Variants in IL10RB observed in about 807,000 individuals in gnomAD.
IL10RB encodes interleukin 10 receptor subunit beta.
In IL10RB, 30 loss-of-function variants were observed where a neutral mutation model predicts 38.7. The ratio of observed to expected loss-of-function variants is 0.78; its 90% CI spans 0.58 to 1.05. The LOEUF (loss-of-function observed/expected upper bound fraction) is 1.05. Ranked by LOEUF, IL10RB falls within the 50% of genes least tolerant of loss-of-function variation. IL10RB has a pLI of 0.00. For missense variants in IL10RB, 328 were observed against 397.1 expected (o/e 0.83, Z 1.48); for synonymous variants, 142 against 145.9 (o/e 0.97, Z 0.19).
chr21:33,269,473 C>G (rs958963395), intron 2 of IL10RB, among the ~76,000 whole-genome samples: 5 of 152,218 alleles, frequency 3.3e-5, no homozygotes, highest in African/African-American at 1.2e-4. Context: ...TCACAAAAAT[C>G]CCCAAGGCCT....
At chr21:33,289,911 G>A (rs1989450404) in intron 6 of IL10RB, among the ~76,000 whole-genome samples, 1 of 152,138 alleles carries the variant, frequency 6.6e-6, no homozygotes, top group Non-Finnish European at 1.5e-5. Flanking sequence ...TCAGGAGATC[G>A]AGACCATCCT....
At chr21:33,304,019 C>T (rs2082992446) in intron 1 of IL10RB, among the ~76,000 whole-genome samples, 1 of 152,156 alleles carries the variant, frequency 6.6e-6, no homozygotes, top group African/African-American at 2.4e-5. Flanking sequence ...GCCCACCTGA[C>T]CAGGCAGAGG....
At position 33,294,219 on chromosome 21, in the gene IL10RB, T is replaced by C. The variant is rs75091856; in HGVS notation, c.805-1965T>C. ...GTTCGAGGTCCTCACATCACGACTT[T>C]CTCCAGCTTGACTCATAATGATAGA... On this transcript the variant is annotated intron_variant, in intron 6 of 6. Transcript: ENST00000290200. 278 of 333,528 alleles carry C rather than the reference T, an allele frequency of 8.3e-4. 1 individual carries two copies. Among genetic ancestry groups the C allele is most frequent in the African/African-American group, 5.4e-3 (250 of 46,020 alleles). The allele number at this position is 333,528 out of a possible 1,614,324, so 20.7% of individuals were successfully genotyped here.
intron 3 of IL10RB, 38 bp downstream of exon 3, chr21:33,276,791 C>G: frequency 6.3e-7 from 1 of 1,581,684 alleles, no homozygotes; most frequent in Non-Finnish European, 8.7e-7. Flanking sequence ...GTAATGTCAT[C>G]ATCTTGCCTT....
rs750248101 is a variant in IL10RB at position 33,296,893 on chromosome 21, G to T, written c.*536G>T. 19 of 210,676 alleles carry T rather than the reference G, an allele frequency of 9.0e-5. No homozygotes were observed. Among genetic ancestry groups the T allele is most frequent in the Non-Finnish European group, 1.5e-4 (16 of 104,688 alleles). The allele number at this position is 210,676 out of a possible 1,614,324, so 13.1% of individuals were successfully genotyped here. A position where few individuals can be genotyped will look rare whatever the true frequency, so the allele number is the denominator to read the frequency against. On this transcript the variant is annotated 3_prime_UTR_variant, in exon 7 of 7. Transcript: ENST00000290200. Reference sequence around the variant, plus strand: ...AACCCGGGAGGAGGAGGAGGAGGTTGCAGTGAGCCGAGATAGCGGCACTGC... The same window carrying T: ...AACCCGGGAGGAGGAGGAGGAGGTTTCAGTGAGCCGAGATAGCGGCACTGC...
chr21:33,296,213 T>A lies in IL10RB; in HGVS notation c.834T>A (p.Leu278=), dbSNP rs778285637. The change falls in exon 7 of 7, where the codon CTT becomes CTA. Residue 278 remains leucine, a synonymous_variant. Coordinates refer to ENST00000290200, the MANE Select transcript of IL10RB (RefSeq NM_000628.5). ...TGGGCCATCCTCATCATAACACACT[T>A]CTGTTTTTCTCCTTTCCATTGTCGG... ...EFLGHPHHNT[L]LFFSFPLSDE... is the part of the protein sequence containing the mutation. The A allele has an allele frequency of 6.2e-7, 1 of 1,614,074 alleles. No individual in the cohort carries two copies.
chr21:33,292,370 A>G (rs1032669371), intron 6 of IL10RB, among the ~76,000 whole-genome samples: 7 of 152,298 alleles, frequency 4.6e-5, no homozygotes, highest in Admixed American at 3.9e-4. Context: ...TAACCTTGCC[A>G]TGAAACCAGG....
chr21:33,296,073 TAAATA>T (rs2082964583), intron 6 of IL10RB, 106 bp from the exon 7 acceptor site: 3 of 730,172 alleles, frequency 4.1e-6, no homozygotes, highest in East Asian at 3.0e-5. Flanking sequence ...TAAAAATAAA[TAAATA>T]AAATAAAATA....
At chr21:33,309,213 T>C (rs767564191) in exon 2 of IL10RB, 3 of 152,238 alleles carry the variant, frequency 2.0e-5, no homozygotes, top group Non-Finnish European at 2.9e-5. Flanking sequence ...CAAAGCGTCA[T>C]GGATGGATCA....
chr21:33,273,676 A>G (rs1989120205), intron 2 of IL10RB, among the ~76,000 whole-genome samples: 1 of 152,246 alleles, frequency 6.6e-6, no homozygotes, highest in African/African-American at 2.4e-5. Context: ...TCACAGAAGA[A>G]CTTCTTTCAA....
At chr21:33,302,575 C>G (rs1170220119) in intron 1 of IL10RB, among the ~76,000 whole-genome samples, 1 of 152,162 alleles carries the variant, frequency 6.6e-6, no homozygotes, top group Admixed American at 6.5e-5. Context: ...ATCTAGAGAT[C>G]TTGGGAAGAC....
chr21:33,286,055 C>T (rs1000162135), intron 5 of IL10RB, among the ~76,000 whole-genome samples: 2 of 152,128 alleles, frequency 1.3e-5, no homozygotes, highest in African/African-American at 4.8e-5. Flanking sequence ...GATGGGAGGC[C>T]GCCTGCGGGA....
chr21:33,292,052 C>G (rs1020715057), intron 6 of IL10RB, among the ~76,000 whole-genome samples: 3 of 152,158 alleles, frequency 2.0e-5, no homozygotes, highest in African/African-American at 7.2e-5. Context: ...GATACATGCT[C>G]TCAGTGGGAG....
At chr21:33,272,699 G>A (rs1989103152) in intron 2 of IL10RB, among the ~76,000 whole-genome samples, 1 of 152,186 alleles carries the variant, frequency 6.6e-6, no homozygotes, top group Non-Finnish European at 1.5e-5. Flanking sequence ...CTCTGCCTCG[G>A]CCTCCCAGAG....
intron 6 of IL10RB, 38 bp from the exon 7 acceptor site, chr21:33,296,146 A>T (rs1445981482): frequency 3.9e-6 from 6 of 1,540,342 alleles, no homozygotes; most frequent in Non-Finnish European, 5.4e-6. Flanking sequence ...AAAGAAATGG[A>T]GAAAATTGAT....
chr21:33,286,821 C>T (rs1164362543), intron 5 of IL10RB, among the ~76,000 whole-genome samples: 1 of 151,964 alleles, frequency 6.6e-6, no homozygotes, highest in Non-Finnish European at 1.5e-5. Flanking sequence ...CTACTGTACT[C>T]CAGCCTGGAC....
downstream of IL10RB, among the ~76,000 whole-genome samples, chr21:33,301,532 A>T (rs2082985971): frequency 6.6e-6 from 1 of 152,214 alleles, no homozygotes; most frequent in South Asian, 2.1e-4. Context: ...ATTCAATATA[A>T]ACAGGAAACA....
At chr21:33,269,825 A>C (rs1239880127) in intron 2 of IL10RB, among the ~76,000 whole-genome samples, 4 of 151,786 alleles carry the variant, frequency 2.6e-5, no homozygotes, top group African/African-American at 9.7e-5. Context: ...TGCCCAGCTA[A>C]TTTTTTGTAT....
At chr21:33,291,775 T>G (rs1400278856) in intron 6 of IL10RB, among the ~76,000 whole-genome samples, 1 of 152,114 alleles carries the variant, frequency 6.6e-6, no homozygotes, top group Non-Finnish European at 1.5e-5. Context: ...TGCTACCAGG[T>G]GGCTGGTCAG....
Sources: gnomAD v4.1 joint callset for allele counts (sites outside exome capture counted in the v4.1 genomes callset) on GRCh38, gnomAD v4.1.1 for gene constraint, MANE v1.5 for transcripts, NCBI Gene and HGNC (gene_info 2026-07-23, HGNC 2026-07-21) for gene names.